Variants in PRKN observed in about 807,000 individuals in gnomAD.
The protein encoded by PRKN is E3 ubiquitin-protein ligase parkin.
In PRKN, 56 loss-of-function variants were observed where a neutral mutation model predicts 59.5. The ratio of observed to expected loss-of-function variants is 0.94; its 90% CI spans 0.76 to 1.18. PRKN has a LOEUF of 1.18. Among genes scored for constraint, PRKN ranks in the 50% most tolerant of loss-of-function variants. PRKN has a pLI of 0.00. For missense variants in PRKN, 657 were observed against 596.4 expected (o/e 1.10, Z -1.06); for synonymous variants, 250 against 222.1 (o/e 1.13, Z -1.12).
intron 1 of PRKN, among the ~76,000 whole-genome samples, chr6:162,508,951 C>A (rs1294080627): frequency 6.6e-6 from 1 of 152,140 alleles, no homozygotes; most frequent in East Asian, 1.9e-4. Context: ...GAGATATTTG[C>A]TATTCAAGTG....
chr6:161,710,237 T>C (rs1042897254), intron 7 of PRKN, among the ~76,000 whole-genome samples: 3 of 152,046 alleles, frequency 2.0e-5, no homozygotes, highest in South Asian at 2.1e-4. Context: ...CTTAAAACAA[T>C]AGCTATATAG....
At chr6:162,633,392 AC>A (rs926299228) in intron 1 of PRKN, among the ~76,000 whole-genome samples, 26 of 133,200 alleles carry the variant, frequency 2.0e-4, no homozygotes, top group Non-Finnish European at 3.4e-4. Context: ...CTGAGATCAC[AC>A]CACTGCATTC....
chr6:162,704,556 A>G lies in PRKN; in HGVS notation c.7+23106T>C, dbSNP rs568302049. On this transcript the variant is annotated intron_variant, in intron 1 of 11. Coordinates refer to ENST00000366898, the MANE Select transcript of PRKN (RefSeq NM_004562.3). Reference sequence around the variant, plus strand: ...TTCACTGATGCCTTAAAATGTCTTTAGCAGAAATGCATTTGAGTTGCAAAC... The same window carrying G: ...TTCACTGATGCCTTAAAATGTCTTTGGCAGAAATGCATTTGAGTTGCAAAC... Among the ~76,000 whole-genome samples, 495 of 152,342 alleles carry G rather than the reference A, an allele frequency of 3.2e-3. 3 individuals carry two copies. The highest frequency in any genetic ancestry group is 0.014 in the Middle Eastern group (4 of 294).
chr6:161,452,349 T>C (rs1261628968), intron 9 of PRKN, among the ~76,000 whole-genome samples: 2 of 152,216 alleles, frequency 1.3e-5, no homozygotes, highest in Non-Finnish European at 2.9e-5. Flanking sequence ...GCAATAGATA[T>C]AGTGCGCCTT....
At chr6:162,052,947 CA>C (rs1286676883) in intron 5 of PRKN, among the ~76,000 whole-genome samples, 1 of 151,960 alleles carries the variant, frequency 6.6e-6, no homozygotes, top group Non-Finnish European at 1.5e-5. Flanking sequence ...ATAATATATA[CA>C]TATTACATTT....
intron 1 of PRKN, among the ~76,000 whole-genome samples, chr6:162,448,748 T>C (rs1352793730): frequency 6.6e-6 from 1 of 152,090 alleles, no homozygotes; most frequent in African/African-American, 2.4e-5. Context: ...GGATATGTCA[T>C]CAACTCCCAA....
intron 1 of PRKN, chr6:162,568,923 G>A (rs1780199749): frequency 8.9e-6 from 6 of 671,536 alleles, no homozygotes; most frequent in East Asian, 8.1e-5. Flanking sequence ...TGATGCTTAC[G>A]TGAACAAGGT....
At position 161,399,543 on chromosome 6, in the gene PRKN, T is replaced by A. The variant is rs969382886; in HGVS notation, c.1084-12666A>T. Among the ~76,000 whole-genome samples the A allele has an allele frequency of 2.0e-5, 3 of 152,168 alleles. No individual in the cohort carries two copies. Among genetic ancestry groups the A allele is most frequent in the Non-Finnish European group, 4.4e-5 (3 of 68,036 alleles). The stretch of plus-strand genomic sequence containing the variant: ...CATGCTCCCCCTCCCATAAGGAGTT[T>A]GAGCAGTGGTGGTGGCTGAACTGAT... On this transcript the variant is annotated intron_variant, in intron 9 of 11. Coordinates refer to ENST00000366898, the MANE Select transcript of PRKN (RefSeq NM_004562.3). This position sits in a 1 kb window ranked among gnomAD's most constrained non-coding sequence, Gnocchi z 4.4.
Position 161,460,286 on chromosome 6 carries a change from G to A in PRKN, c.1084-73409C>T, listed in dbSNP as rs1790144727. ...TGATGGGCACCGTGTGTTTACAGAG[G>A]AGAGTGCCTTTGACCAAGATCTTGA... On this transcript the variant is annotated intron_variant, in intron 9 of 11. Transcript: ENST00000366898. The surrounding 1 kb of genome is among the most constrained non-coding windows in gnomAD (Gnocchi z 5.0). Among the ~76,000 whole-genome samples the A allele has an allele frequency of 6.6e-6, 1 of 152,170 alleles. No individual in the cohort carries two copies. Among genetic ancestry groups the A allele is most frequent in the South Asian group, 2.1e-4 (1 of 4,826 alleles).
rs927041755 is a variant in PRKN at position 161,429,314 on chromosome 6, T to C, written c.1084-42437A>G. Among the ~76,000 whole-genome samples, 26 of 152,188 alleles carry C rather than the reference T, an allele frequency of 1.7e-4. No homozygotes were observed. Among genetic ancestry groups the C allele is most frequent in the African/African-American group, 5.8e-4 (24 of 41,440 alleles). ...ACAATGGTAAACAAGATTGAGAAAGTTCCTGCCCTCAGGGAGCTTATAGTC... is the reference window on the plus strand; with the variant it reads ...ACAATGGTAAACAAGATTGAGAAAGCTCCTGCCCTCAGGGAGCTTATAGTC... On this transcript the variant is annotated intron_variant, in intron 9 of 11. Transcript: ENST00000366898. This position sits in a 1 kb window ranked among gnomAD's most constrained non-coding sequence, Gnocchi z 4.2.
At chr6:162,069,576 T>C (rs1778488542) in intron 4 of PRKN, among the ~76,000 whole-genome samples, 1 of 152,226 alleles carries the variant, frequency 6.6e-6, no homozygotes, top group South Asian at 2.1e-4. Context: ...CTTTCTAACT[T>C]GAATTTATTC....
intron 2 of PRKN, among the ~76,000 whole-genome samples, chr6:162,438,377 GT>G (rs1220358093): frequency 6.6e-6 from 1 of 152,048 alleles, no homozygotes; most frequent in African/African-American, 2.4e-5. Context: ...TGCTTACTAT[GT>G]TTTTCCCTCC....
At chr6:162,398,424 C>T (rs1787592468) in intron 2 of PRKN, among the ~76,000 whole-genome samples, 3 of 151,056 alleles carry the variant, frequency 2.0e-5, no homozygotes, top group South Asian at 4.2e-4. Flanking sequence ...GAGTTTTGCT[C>T]TTATCACCCA....
intron 3 of PRKN, among the ~76,000 whole-genome samples, chr6:162,224,049 C>T (rs1368609010): frequency 2.0e-5 from 3 of 152,028 alleles, no homozygotes; most frequent in East Asian, 3.9e-4. Flanking sequence ...AGCTTTGAGT[C>T]GATGGCCCCT....
intron 2 of PRKN, among the ~76,000 whole-genome samples, chr6:162,373,610 C>T (rs968401136): frequency 1.3e-5 from 2 of 152,088 alleles, no homozygotes; most frequent in Non-Finnish European, 2.9e-5. Flanking sequence ...AAACTGATGA[C>T]TGCCTATGTA....
chr6:161,490,299 A>C (rs1777499776), intron 9 of PRKN, among the ~76,000 whole-genome samples: 2 of 138,806 alleles, frequency 1.4e-5, no homozygotes, highest in African/African-American at 2.8e-5. Context: ...AAATCTCTCT[A>C]CTTTTCTTTC....
chr6:161,889,115 C>T (rs1375819830), intron 6 of PRKN, among the ~76,000 whole-genome samples: 2 of 151,964 alleles, frequency 1.3e-5, no homozygotes, highest in African/African-American at 4.8e-5. Context: ...AAGAGAACTA[C>T]GGAAATAAAA....
chr6:162,568,978 T>C, intron 1 of PRKN: 1 of 678,222 alleles, frequency 1.5e-6, no homozygotes, highest in Non-Finnish European at 2.7e-6. Context: ...GAGATCAATT[T>C]CCTCAGGCAG....
chr6:162,612,063 G>T (rs1327927924), intron 1 of PRKN, among the ~76,000 whole-genome samples: 2 of 151,084 alleles, frequency 1.3e-5, no homozygotes, highest in African/African-American at 4.9e-5. Context: ...CGTGGTGGCG[G>T]GCGCCTGTAG....
Sources: allele counts gnomAD v4.1 joint callset (sites outside exome capture counted in the v4.1 genomes callset), GRCh38; gene constraint gnomAD v4.1.1; non-coding constraint Gnocchi (gnomAD v3.1); transcripts MANE v1.5; gene names NCBI Gene and HGNC (gene_info 2026-07-23, HGNC 2026-07-21).